The following ETV5 variants were observed in gnomAD, a reference collection of about 807,000 sequenced individuals.
The protein encoded by ETV5 is ETS variant transcription factor 5.
In ETV5, 10 loss-of-function variants were observed where a neutral mutation model predicts 70.0. The observed-to-expected ratio is 0.14, with a 90% CI of 0.09 to 0.24. ETV5 has a LOEUF of 0.24. Ranked by LOEUF, ETV5 falls within the 10% of genes least tolerant of loss-of-function variation. ETV5 has a pLI of 1.00. For missense variants in ETV5, 453 were observed against 651.2 expected (o/e 0.70, Z 3.31); for synonymous variants, 216 against 242.2 (o/e 0.89, Z 1.01).
At chr3:186,096,465 GC>G (rs1353505972) in intron 5 of ETV5, among the ~76,000 whole-genome samples, 1 of 152,120 alleles carries the variant, frequency 6.6e-6, no homozygotes, top group African/African-American at 2.4e-5. Flanking sequence ...GTCCTTTTCA[GC>G]CCCTCTGGAG....
At position 186,081,160 on chromosome 3, in the gene ETV5, G is replaced by A; in HGVS notation, c.248C>T (p.Pro83Leu). Residue 83 changes from proline (P) to leucine (L), a missense_variant, in exon 6 of 13, where the codon CCA becomes CTA. Pro to Leu is a moderately conservative substitution (Grantham distance 98). Transcript: ENST00000306376. ...FQSDNLVLHA[P>L]PPTKIKRELH... ...CTCCCGTTTGATCTTGGTTGGAGGT[G>A]GGGCATGAAGCACCACTGAAATCAG... is the stretch of plus-strand genomic sequence containing the variant. 1.2e-6 allele frequency: 2 copies of A among 1,613,014 alleles called. No homozygotes were observed. Among genetic ancestry groups the A allele is most frequent in the Non-Finnish European group, 1.7e-6 (2 of 1,179,422 alleles).
rs2150139691 is a variant in ETV5, at chr3:186,047,532, G to A, written c.*1107C>T. On this transcript the variant is annotated 3_prime_UTR_variant, in exon 13 of 13. Coordinates refer to ENST00000306376, the MANE Select transcript of ETV5 (RefSeq NM_004454.3). ...TACATATGCTTTCCAGAGAGGGCAT[G>A]TTAGTGAACACGGGGAACTATACAT... 1 of 232,514 alleles carries A rather than the reference G, an allele frequency of 4.3e-6. No individual in the cohort carries two copies. Among genetic ancestry groups the A allele is most frequent in the South Asian group, 1.8e-4 (1 of 5,528 alleles). 14.4% of individuals were successfully genotyped at this position (232,514 alleles called of 1,614,324 possible). A position where few individuals can be genotyped will look rare whatever the true frequency, so the allele number is the denominator to read the frequency against.
At chr3:186,099,939 A>G (rs553509317) in intron 5 of ETV5, among the ~76,000 whole-genome samples, 2 of 152,342 alleles carry the variant, frequency 1.3e-5, no homozygotes, top group East Asian at 3.9e-4. Context: ...ACAGAAGGGT[A>G]AGAGAAAAAT....
chr3:186,098,783 T>A (rs943221961), intron 5 of ETV5, among the ~76,000 whole-genome samples: 4 of 152,222 alleles, frequency 2.6e-5, no homozygotes, highest in Admixed American at 2.6e-4. Context: ...AGATAAATTT[T>A]AGCTCATGGT....
At chr3:186,076,382 T>C (rs1713790360) in intron 7 of ETV5, 2 of 197,004 alleles carry the variant, frequency 1.0e-5, no homozygotes, top group Non-Finnish European at 2.1e-5. Context: ...TGACCTGCTC[T>C]GTTTCTGACC....
Position 186,048,769 on chromosome 3 carries a change from T to G in ETV5, c.1403A>C (p.Lys468Thr). The change falls in exon 13 of 13, where the codon AAG becomes ACG. Residue 468 changes from lysine (K) to threonine (T), a missense_variant. Around this residue, in one of 4 missense-constraint regions of ETV5, gnomAD observed 74 missense variants for 95.2 expected, o/e 0.78. Transcript: ENST00000306376. The part of the protein sequence containing the change: ...AFPDNQRPFL[K>T]AESECHLSEE... ...GCTGAGGTGGCACTCGGACTCTGCCTTCAGGAACGGACGCTGGTTATCCGG... is the reference window on the plus strand; with the variant it reads ...GCTGAGGTGGCACTCGGACTCTGCCGTCAGGAACGGACGCTGGTTATCCGG... The G allele has an allele frequency of 6.2e-7, 1 of 1,614,174 alleles. No homozygotes were observed. Among genetic ancestry groups the G allele is most frequent in the Non-Finnish European group, 8.5e-7 (1 of 1,180,026 alleles).
intron 11 of ETV5, among the ~76,000 whole-genome samples, chr3:186,053,340 G>A (rs1297795369): frequency 1.3e-5 from 2 of 152,160 alleles, no homozygotes; most frequent in Non-Finnish European, 2.9e-5. Flanking sequence ...GACCTCAAGT[G>A]ACCCACCTGC....
rs1714674313 is a variant in ETV5, at chr3:186,109,046, C to T, written c.-181G>A. ...CTGGGCGAAAGGCTGGGCCGAACCG[C>T]TCCGAAGACGGTGAACCGCTCCGCG... On this transcript the variant is annotated 5_prime_UTR_variant, in exon 1 of 13. Transcript: ENST00000306376. 6.6e-6 allele frequency: 1 copy of T among 152,562 alleles called. No homozygotes were observed. The highest frequency in any genetic ancestry group is 2.4e-5 in the African/African-American group (1 of 41,462). 9.5% of individuals were successfully genotyped at this position (152,562 alleles called of 1,614,324 possible).
At position 186,052,891 on chromosome 3, in the gene ETV5, G is replaced by A. The variant is rs540452852; in HGVS notation, c.1210-760C>T. Reference sequence around the variant, plus strand: ...CTAGTAGAGTTTACCCAATTATCACGGCAGCCAAGCAATTTCTGTTCTCAA... The same window carrying A: ...CTAGTAGAGTTTACCCAATTATCACAGCAGCCAAGCAATTTCTGTTCTCAA... On this transcript the variant is annotated intron_variant, in intron 11 of 12. Transcript: ENST00000306376. This position sits in a 1 kb window ranked among gnomAD's most constrained non-coding sequence, Gnocchi z 4.5. Among the ~76,000 whole-genome samples, 23 of 152,112 alleles carry A rather than the reference G, an allele frequency of 1.5e-4. No homozygotes were observed. In the South Asian group the frequency reaches 3.5e-3, roughly 23 times the overall value.
chr3:186,080,507 T>C (rs56940353), intron 6 of ETV5: 68,734 of 234,936 alleles, frequency 0.29, 12,465 homozygotes, highest in East Asian at 0.56. Context: ...GTTGAAGGTC[T>C]GTTTGTGCTG....
chr3:186,100,274 T>C (rs1714421332), intron 5 of ETV5, among the ~76,000 whole-genome samples: 1 of 152,204 alleles, frequency 6.6e-6, no homozygotes, highest in Non-Finnish European at 1.5e-5. Context: ...TATAAACCAA[T>C]GGCCTTGTTT....
At chr3:186,076,315 G>A (rs1713788443) in intron 7 of ETV5, 1 of 202,124 alleles carries the variant, frequency 4.9e-6, no homozygotes. Context: ...TAGAGATGGG[G>A]GTCTCACTGT....
chr3:186,095,038 G>A (rs552475943), intron 5 of ETV5: 28 of 152,306 alleles, frequency 1.8e-4, no homozygotes, highest in African/African-American at 3.4e-4. Flanking sequence ...GGAGGATTCT[G>A]AGCATTATTT....
intron 5 of ETV5, among the ~76,000 whole-genome samples, chr3:186,087,787 G>A: frequency 6.6e-6 from 1 of 151,722 alleles, no homozygotes; most frequent in East Asian, 1.9e-4. Context: ...TCAAGACGTA[G>A]GAAAACACTT....
chr3:186,064,497 GAC>G, intron 8 of ETV5, 21 bp from the exon 9 acceptor site: 1 of 1,612,882 alleles, frequency 6.2e-7, no homozygotes, highest in South Asian at 1.1e-5. Flanking sequence ...AGCAAAGGTG[GAC>G]ACAATCCTGT....
chr3:186,053,194 C>G (rs1185546168), intron 11 of ETV5, among the ~76,000 whole-genome samples: 1 of 152,190 alleles, frequency 6.6e-6, no homozygotes, highest in Non-Finnish European at 1.5e-5. Flanking sequence ...CTCTGCCTCC[C>G]AGGCTCAAGC....
At chr3:186,071,630 C>T (rs966113557) in intron 7 of ETV5, among the ~76,000 whole-genome samples, 1 of 152,224 alleles carries the variant, frequency 6.6e-6, no homozygotes, top group Admixed American at 6.5e-5. Context: ...GCCCCACCTT[C>T]TCCCCACAAC....
chr3:186,091,213 A>G (rs1027051897), intron 5 of ETV5, among the ~76,000 whole-genome samples: 3 of 152,240 alleles, frequency 2.0e-5, no homozygotes, highest in African/African-American at 7.2e-5. Flanking sequence ...GCTTTGGGAT[A>G]GGGTTTGCTA....
At chr3:186,080,833 G>C in intron 6 of ETV5, 1 of 436,838 alleles carries the variant, frequency 2.3e-6, no homozygotes, top group South Asian at 3.7e-5. Context: ...GTGCTCTGTA[G>C]AGCCACAAGG....
Sources: gnomAD v4.1 joint callset for allele counts (sites outside exome capture counted in the v4.1 genomes callset) on GRCh38, gnomAD v4.1.1 for gene constraint, gnomAD v4.1.1 regional missense constraint, Gnocchi (gnomAD v3.1) non-coding constraint, MANE v1.5 for transcripts, NCBI Gene and HGNC (gene_info 2026-07-23, HGNC 2026-07-21) for gene names.